Variants in USP32 observed in about 807,000 individuals in gnomAD.
The protein encoded by USP32 is ubiquitin specific peptidase 32.
USP32 carries 59 observed loss-of-function variants against 204.8 expected under a neutral mutation model. The ratio of observed to expected loss-of-function variants is 0.29; its 90% CI spans 0.23 to 0.36. The LOEUF (loss-of-function observed/expected upper bound fraction) is 0.36, where lower values mean the gene tolerates loss of function less well. USP32 is among the 10% of genes least tolerant of loss of function. USP32 has a pLI of 1.00. For missense variants in USP32, 1,160 were observed against 1,946.4 expected, an observed-to-expected ratio of 0.60 and a Z score of 7.60; for synonymous variants, 517 against 678.4, an observed-to-expected ratio of 0.76 and a Z score of 3.70.
intron 1 of USP32, among the ~76,000 whole-genome samples, chr17:60,370,028 C>T (rs2089406605): frequency 6.6e-6 from 1 of 151,874 alleles, no homozygotes; most frequent in Non-Finnish European, 1.5e-5. Context: ...TGTAAGCCAG[C>T]GTGCACAGCC....
chr17:60,341,994 T>C (rs1272941287), intron 2 of USP32, among the ~76,000 whole-genome samples: 2 of 152,220 alleles, frequency 1.3e-5, no homozygotes, highest in East Asian at 1.9e-4. Flanking sequence ...CTCTGATTTT[T>C]AGAATTTTCA....
intron 2 of USP32, among the ~76,000 whole-genome samples, chr17:60,320,972 T>G (rs990094736): frequency 5.3e-5 from 8 of 152,104 alleles, no homozygotes; most frequent in African/African-American, 1.9e-4. Flanking sequence ...CCCATCTCTG[T>G]CCTCTTACCT....
chr17:60,317,712 A>G (rs1207224687), intron 2 of USP32, among the ~76,000 whole-genome samples: 1 of 151,992 alleles, frequency 6.6e-6, no homozygotes, highest in East Asian at 1.9e-4. Context: ...GCTACACAGG[A>G]GGCTAAAGAG....
At chr17:60,222,365 A>AT (rs1567779448) in intron 15 of USP32, 44 bp downstream of exon 15, 1 of 1,591,204 alleles carries the variant, frequency 6.3e-7, no homozygotes, top group South Asian at 1.1e-5. Context: ...GAAGACCCCC[A>AT]TCTATGACTG....
intron 4 of USP32, among the ~76,000 whole-genome samples, chr17:60,293,577 C>T (rs2145866368): frequency 6.6e-6 from 1 of 152,268 alleles, no homozygotes; most frequent in South Asian, 2.1e-4. Context: ...GCACCATAAC[C>T]ACCGCCAAAA....
intron 16 of USP32, 104 bp from the exon 17 acceptor site, chr17:60,214,878 G>T: frequency 6.6e-7 from 1 of 1,513,334 alleles, no homozygotes. Flanking sequence ...AATGAGAAAT[G>T]AGAATTACAG....
At chr17:60,421,783 C>T (rs1379587067) in intron 1 of USP32, 1 of 934,902 alleles carries the variant, frequency 1.1e-6, no homozygotes, top group East Asian at 1.2e-4. Context: ...CCCTGGAGGG[C>T]TCGCGGGTAG....
At chr17:60,211,575 T>C (rs1374523190) in intron 19 of USP32, 61 bp from the exon 20 acceptor site, 1 of 1,538,086 alleles carries the variant, frequency 6.5e-7, no homozygotes. Context: ...GCACAAACAG[T>C]TACTTATATT....
chr17:60,288,590 C>T lies in USP32; in HGVS notation c.504G>A (p.Val168=). 1.9e-6 allele frequency: 3 copies of T among 1,613,670 alleles called. No individual in the cohort carries two copies. Among genetic ancestry groups the T allele is most frequent in the Non-Finnish European group, 2.5e-6 (3 of 1,179,838 alleles). The change falls in exon 5 of 34, where the codon GTG becomes GTA. Residue 168 remains valine, a synonymous_variant. Transcript: ENST00000300896. ...CACTATCATCAGTGAGGGTAACATA[C>T]ACACCTCCAGATAGAAGCCATCGAG... is the stretch of plus-strand genomic sequence containing the variant. The part of the protein sequence containing the change: ...TFSRWLLSGG[V]YVTLTDDSDT...
At chr17:60,275,232 G>A (rs760431965) in intron 5 of USP32, among the ~76,000 whole-genome samples, 4 of 152,160 alleles carry the variant, frequency 2.6e-5, no homozygotes, top group Non-Finnish European at 5.9e-5. Flanking sequence ...CAGGGCAGGC[G>A]GATCACCTGA....
chr17:60,384,208 T>A (rs1008160279), intron 1 of USP32, among the ~76,000 whole-genome samples: 3 of 152,208 alleles, frequency 2.0e-5, no homozygotes, highest in African/African-American at 2.4e-5. Context: ...TGGAGGCCTA[T>A]CTTGTTAGAA....
In USP32 at chr17:60,198,248, C is replaced by A; in HGVS notation, c.3434+12G>T. ...TGGAAACCACAGGTTTAGATGGATC[C>A]CCTGAACTCACCAATCCTGGGCATG... On this transcript the variant is annotated intron_variant, in intron 27 of 33. Transcript: ENST00000300896. 6 of 1,613,362 alleles carry A rather than the reference C, an allele frequency of 3.7e-6. No homozygotes were observed. The highest frequency in any genetic ancestry group is 4.2e-6 in the Non-Finnish European group (5 of 1,179,666).
At chr17:60,372,085 G>A (rs2089452846) in intron 1 of USP32, among the ~76,000 whole-genome samples, 1 of 152,176 alleles carries the variant, frequency 6.6e-6, no homozygotes, top group African/African-American at 2.4e-5. Context: ...TAAGGTGGAA[G>A]GAAGGGAGAG....
At position 60,294,853 on chromosome 17, in the gene USP32, G is replaced by A. The variant is rs188544292; in HGVS notation, c.293-52C>T. On this transcript the variant is annotated intron_variant, in intron 3 of 33. Coordinates refer to ENST00000300896, the MANE Select transcript of USP32 (RefSeq NM_032582.4). ...TAATCTTAACAAAGACCAAATATACGTTGGTGGAAGTAGGGAGAAAAGACA... is the reference window on the plus strand; with the variant it reads ...TAATCTTAACAAAGACCAAATATACATTGGTGGAAGTAGGGAGAAAAGACA... The A allele has an allele frequency of 3.2e-4, 384 of 1,194,582 alleles. 1 individual carries two copies. The highest frequency in any genetic ancestry group is 1.6e-3 in the Admixed American group (84 of 53,550). 74.0% of individuals were successfully genotyped at this position (1,194,582 alleles called of 1,614,324 possible).
chr17:60,190,386 A>C (rs1192950692), intron 29 of USP32, among the ~76,000 whole-genome samples, 177 bp downstream of exon 29: 1 of 152,234 alleles, frequency 6.6e-6, no homozygotes, highest in Non-Finnish European at 1.5e-5. Flanking sequence ...GAACTCCAGA[A>C]GTTGGAAAAT....
rs1187335467 is a variant in USP32 at position 60,225,311 on chromosome 17, G to T, written c.1432+728C>A. On this transcript the variant is annotated intron_variant, in intron 13 of 33. Transcript: ENST00000300896. ...CTAAAATAAAAACACACAAAAAATGGCTGGGCATGGTGGCGCGTGCCTGTA... is the reference window on the plus strand; with the variant it reads ...CTAAAATAAAAACACACAAAAAATGTCTGGGCATGGTGGCGCGTGCCTGTA... Among the ~76,000 whole-genome samples the T allele has an allele frequency of 1.3e-5, 2 of 152,036 alleles. 1 individual carries two copies. Among genetic ancestry groups the T allele is most frequent in the South Asian group, 4.1e-4 (2 of 4,820 alleles).
At chr17:60,350,963 A>G (rs539389917) in intron 1 of USP32, among the ~76,000 whole-genome samples, 1 of 152,254 alleles carries the variant, frequency 6.6e-6, no homozygotes, top group East Asian at 1.9e-4. Context: ...AGACAGTCAA[A>G]TTTTTCTGGT....
intron 28 of USP32, among the ~76,000 whole-genome samples, chr17:60,191,676 A>AT (rs932609440): frequency 4.0e-5 from 6 of 151,238 alleles, no homozygotes; most frequent in Middle Eastern, 3.4e-3. Flanking sequence ...TGCCTGGCTA[A>AT]TTTTTTGTAT....
intron 10 of USP32, among the ~76,000 whole-genome samples, 159 bp from the exon 11 acceptor site, chr17:60,252,601 G>C (rs1198332881): frequency 5.9e-5 from 9 of 152,066 alleles, no homozygotes; most frequent in Non-Finnish European, 1.5e-5. Flanking sequence ...TAGCCTTGTG[G>C]TTTTGGGGTT....
Sources: allele counts gnomAD v4.1 joint callset (sites outside exome capture counted in the v4.1 genomes callset), GRCh38; gene constraint gnomAD v4.1.1; transcripts MANE v1.5; gene names NCBI Gene and HGNC (gene_info 2026-07-23, HGNC 2026-07-21).